CADM2: variants seen among roughly 807,000 people sequenced by gnomAD.
CADM2 encodes immunoglobulin superfamily member 4D.
In CADM2, 12 loss-of-function variants were observed where a neutral mutation model predicts 49.8. The observed-to-expected ratio is 0.24, with a 90% CI of 0.15 to 0.39. CADM2 has a LOEUF of 0.39. CADM2 is among the 10% of genes least tolerant of loss of function. The probability of loss-of-function intolerance (pLI) is 1.00; values close to 1 mark genes in which losing one functional copy is unlikely to be tolerated. For missense variants in CADM2, 378 were observed against 492.3 expected (o/e 0.77, Z 2.20); for synonymous variants, 214 against 175.4 (o/e 1.22, Z -1.74).
intron 1 of CADM2, among the ~76,000 whole-genome samples, chr3:84,994,462 G>A (rs999442639): frequency 2.6e-5 from 4 of 152,070 alleles, no homozygotes; most frequent in Non-Finnish European, 4.4e-5. Flanking sequence ...TACACACTTA[G>A]CTTAATTTCA....
At chr3:85,159,816 G>T (rs1318700786) in intron 1 of CADM2, among the ~76,000 whole-genome samples, 1 of 152,026 alleles carries the variant, frequency 6.6e-6, no homozygotes, top group Non-Finnish European at 1.5e-5. Context: ...TTTACTGTTT[G>T]TAATATAAAT....
intron 1 of CADM2, among the ~76,000 whole-genome samples, chr3:85,288,164 T>A (rs1463903582): frequency 3.3e-5 from 5 of 152,102 alleles, no homozygotes; most frequent in Non-Finnish European, 7.4e-5. Context: ...AGAAAGCACA[T>A]AAACTTTCTG....
At chr3:85,032,913 T>G (rs1172860091) in intron 1 of CADM2, among the ~76,000 whole-genome samples, 1 of 152,230 alleles carries the variant, frequency 6.6e-6, no homozygotes, top group Non-Finnish European at 1.5e-5. Flanking sequence ...AAATAACATT[T>G]CTTTTTCTTA....
intron 8 of CADM2, among the ~76,000 whole-genome samples, chr3:86,030,273 A>C (rs2107143111): frequency 6.6e-6 from 1 of 152,164 alleles, no homozygotes; most frequent in Non-Finnish European, 1.5e-5. Flanking sequence ...TTTCTGTTTT[A>C]AGGCAACAGA....
At chr3:85,960,770 G>A (rs927739624) in intron 7 of CADM2, among the ~76,000 whole-genome samples, 1 of 151,578 alleles carries the variant, frequency 6.6e-6, no homozygotes, top group African/African-American at 2.4e-5. Context: ...TTTGTTAAAA[G>A]AAAACTCACA....
chr3:86,045,312 C>G (rs77440954), intron 8 of CADM2, among the ~76,000 whole-genome samples: 1 of 152,018 alleles, frequency 6.6e-6, no homozygotes, highest in Non-Finnish European at 1.5e-5. Flanking sequence ...TGATTTAAAT[C>G]GAATGGCTGA....
intron 1 of CADM2, among the ~76,000 whole-genome samples, chr3:85,126,434 C>T (rs560419397): frequency 3.3e-5 from 5 of 152,048 alleles, no homozygotes; most frequent in Admixed American, 1.3e-4. Context: ...GGAAAAAAAT[C>T]AGAAGTTAGG....
chr3:85,293,013 A>G (rs1022707796), intron 1 of CADM2, among the ~76,000 whole-genome samples: 2 of 152,226 alleles, frequency 1.3e-5, no homozygotes, highest in African/African-American at 4.8e-5. Flanking sequence ...TGGTTTTTTG[A>G]AAGGATCAAC....
intron 1 of CADM2, among the ~76,000 whole-genome samples, chr3:85,624,199 T>G (rs2064056629): frequency 6.6e-6 from 1 of 152,184 alleles, no homozygotes; most frequent in Admixed American, 6.6e-5. Flanking sequence ...CTTTTTGACA[T>G]TTTTTGGTCA....
At chr3:85,560,095 A>T (rs1315925934) in intron 1 of CADM2, among the ~76,000 whole-genome samples, 1 of 152,190 alleles carries the variant, frequency 6.6e-6, no homozygotes, top group Non-Finnish European at 1.5e-5. Flanking sequence ...TATGGATTTT[A>T]AAAATGTAGA....
At chr3:85,581,337 C>T (rs1252335633) in intron 1 of CADM2, among the ~76,000 whole-genome samples, 3 of 150,722 alleles carry the variant, frequency 2.0e-5, no homozygotes, top group Non-Finnish European at 4.4e-5. Context: ...TTGAGACCTA[C>T]GGGAATAAAA....
chr3:85,807,852 G>A (rs188665983), intron 3 of CADM2, among the ~76,000 whole-genome samples: 173 of 152,058 alleles, frequency 1.1e-3, no homozygotes, highest in African/African-American at 4.0e-3. Context: ...AAAACCCTTA[G>A]GCTATCATAA....
intron 1 of CADM2, among the ~76,000 whole-genome samples, chr3:85,639,104 G>A (rs544572741): frequency 3.6e-4 from 54 of 152,058 alleles, no homozygotes; most frequent in African/African-American, 1.3e-3. Flanking sequence ...ATGGGTAAAT[G>A]GTAAATAAGA....
At chr3:85,549,281 A>T (rs189226428) in intron 1 of CADM2, among the ~76,000 whole-genome samples, 21 of 152,336 alleles carry the variant, frequency 1.4e-4, no homozygotes, top group South Asian at 4.1e-4. Flanking sequence ...TAATGAATAT[A>T]AACTAATATT....
At chr3:85,153,791 G>A (rs927378943) in intron 1 of CADM2, among the ~76,000 whole-genome samples, 8 of 152,122 alleles carry the variant, frequency 5.3e-5, no homozygotes, top group Non-Finnish European at 1.2e-4. Context: ...CCTGACCCCC[G>A]AGCTGCCTAA....
intron 1 of CADM2, among the ~76,000 whole-genome samples, chr3:85,453,252 A>C (rs1576583567): frequency 6.6e-6 from 1 of 152,106 alleles, no homozygotes; most frequent in South Asian, 2.1e-4. Flanking sequence ...GTAGTGAAAA[A>C]TAAATGCATA....
intron 8 of CADM2, among the ~76,000 whole-genome samples, chr3:85,991,806 T>G (rs7638804): frequency 0.098 from 14,934 of 152,152 alleles, 880 homozygotes; most frequent in Non-Finnish European, 0.13. Context: ...TTGATACCAT[T>G]TTCGTGTTAA....
chr3:85,043,401 C>T lies in CADM2; in HGVS notation c.61+83733C>T, dbSNP rs6807332. On this transcript the variant is annotated intron_variant, in intron 1 of 9. Coordinates refer to ENST00000383699, the MANE Select transcript of CADM2 (RefSeq NM_001167675.2). ...ATGACCATGAACATGTCTGTTAGGCCGGGTGCAGGGGCTCATGCCTGTAAT... is the reference window on the plus strand; with the variant it reads ...ATGACCATGAACATGTCTGTTAGGCTGGGTGCAGGGGCTCATGCCTGTAAT... Among the ~76,000 whole-genome samples, 671 of 151,946 alleles carry T rather than the reference C, an allele frequency of 4.4e-3. 3 individuals carry two copies. The highest frequency in any genetic ancestry group is 0.016 in the African/African-American group (643 of 41,428).
intron 1 of CADM2, among the ~76,000 whole-genome samples, chr3:85,650,856 C>G (rs924257558): frequency 2.7e-5 from 4 of 149,040 alleles, no homozygotes; most frequent in Admixed American, 6.8e-5. Flanking sequence ...AAGAAGGATG[C>G]CTTCTAAATG....
Sources: gnomAD v4.1 joint callset for allele counts (sites outside exome capture counted in the v4.1 genomes callset) on GRCh38, gnomAD v4.1.1 for gene constraint, MANE v1.5 for transcripts, NCBI Gene and HGNC (gene_info 2026-07-23, HGNC 2026-07-21) for gene names.